Variants in RANBP1 observed in about 807,000 individuals in gnomAD.
RANBP1 encodes RAN binding protein 1.
RANBP1 carries 16 observed loss-of-function variants against 31.4 expected under a neutral mutation model. That is an observed-to-expected ratio of 0.51 (90% CI 0.34 to 0.77). The LOEUF (loss-of-function observed/expected upper bound fraction) is 0.77, where lower values mean the gene tolerates loss of function less well. Among genes scored for constraint, RANBP1 ranks in the 30% least tolerant of loss-of-function variants. The pLI is 0.01. For synonymous variants in RANBP1, 129 were observed against 140.5 expected (o/e 0.92, Z 0.58); for missense variants, 265 against 362.0 (o/e 0.73, Z 2.17).
In RANBP1 at chr22:20,116,414, G is replaced by C. The variant is rs769842332; in HGVS notation, c.230G>C (p.Ser77Thr). ...TGGCGAGGCACGTTCTGCAGCTCCAGTTTAAAGATCTCAGAGGTAAACAAG... is the reference window on the plus strand; with the variant it reads ...TGGCGAGGCACGTTCTGCAGCTCCACTTTAAAGATCTCAGAGGTAAACAAG... Reference protein sequence around the residue: ...LAWRGTFCSSSLKISEDTHED... With the variant: ...LAWRGTFCSSTLKISEDTHED... The change falls in exon 1 of 6, where the codon AGT (serine) becomes ACT (threonine). Residue 77 changes from serine to threonine, a missense_variant. By Grantham distance (58) the Ser-to-Thr change is moderately conservative. Transcript: ENST00000430524. 2 of 1,611,994 alleles carry C rather than the reference G, an allele frequency of 1.2e-6. No individual in the cohort carries two copies. Among genetic ancestry groups the C allele is most frequent in the Admixed American group, 3.3e-5 (2 of 60,016 alleles).
chr22:20,119,552 G>A (rs2050129988), intron 2 of RANBP1: 5 of 201,976 alleles, frequency 2.5e-5, no homozygotes. Context: ...TTTTGAGATG[G>A]AGTCTCGCTC....
chr22:20,118,163 T>C, intron 1 of RANBP1: 2 of 1,001,694 alleles, frequency 2.0e-6, no homozygotes, highest in Non-Finnish European at 2.4e-6. Context: ...GCGGCGGCTT[T>C]GTTGGCTGCG....
intron 2 of RANBP1, among the ~76,000 whole-genome samples, chr22:20,120,872 G>T (rs1378353813): frequency 6.6e-6 from 1 of 152,182 alleles, no homozygotes; most frequent in Non-Finnish European, 1.5e-5. Context: ...TTGGGCTGCT[G>T]TGCTTCCTGG....
chr22:20,126,629 T>C (rs777085032), intron 5 of RANBP1: 8 of 1,523,044 alleles, frequency 5.3e-6, no homozygotes, highest in Non-Finnish European at 7.1e-6. Flanking sequence ...GAAGGTGCTT[T>C]ATGATGGTCC....
chr22:20,116,459 A>T, intron 1 of RANBP1, 29 bp downstream of exon 1: 1 of 1,612,858 alleles, frequency 6.2e-7, no homozygotes, highest in Non-Finnish European at 8.5e-7. Flanking sequence ...ATGTAGCTGT[A>T]GAGCCCGGGC....
Position 20,127,024 on chromosome 22 carries a change from C to T in RANBP1, c.809C>T (p.Thr270Ile). 1 of 1,613,404 alleles carries T rather than the reference C, an allele frequency of 6.2e-7. No individual in the cohort carries two copies. The highest frequency in any genetic ancestry group is 1.1e-5 in the South Asian group (1 of 91,052). Residue 270 changes from threonine to isoleucine, a missense_variant, in exon 6 of 6, where the codon ACC (threonine) becomes ATC (isoleucine). By Grantham distance (89) the Thr-to-Ile change is moderately conservative. Transcript: ENST00000430524. ...GAAGCTCTCTCGGTGAAGGAGGAGA[C>T]CAAGGAGGATGCTGAGGAGAAGCAA... Reference protein sequence around the residue: ...KLEALSVKEETKEDAEEKQ With the variant: ...KLEALSVKEEIKEDAEEKQ
Position 20,125,296 on chromosome 22 carries a change from C to G in RANBP1, c.542-12C>G. Reference sequence around the variant, plus strand: ...GTCATCTCACCATCTTCACGAGCTTCTCTCTCTTCAGTCACGCCGATGATG... The same window carrying G: ...GTCATCTCACCATCTTCACGAGCTTGTCTCTCTTCAGTCACGCCGATGATG... On this transcript the variant is annotated splice_polypyrimidine_tract_variant and intron_variant, in intron 3 of 5. Transcript: ENST00000430524. The G allele has an allele frequency of 6.2e-7, 1 of 1,611,510 alleles. No homozygotes were observed. Among genetic ancestry groups the G allele is most frequent in the Non-Finnish European group, 8.5e-7 (1 of 1,179,820 alleles).
At chr22:20,117,596 C>A in intron 1 of RANBP1, 1 of 1,379,252 alleles carries the variant, frequency 7.3e-7, no homozygotes, top group Non-Finnish European at 9.4e-7. Context: ...CGCCGAGAGG[C>A]CGCGGAGCCA....
chr22:20,126,268 C>T (rs779594237), intron 4 of RANBP1, 35 bp from the exon 5 acceptor site: 1 of 1,600,312 alleles, frequency 6.2e-7, no homozygotes, highest in East Asian at 2.2e-5. Context: ...CCACTGCTCA[C>T]AGCTCTTAGG....
At chr22:20,120,886 TGTC>T (rs1388115302) in intron 2 of RANBP1, among the ~76,000 whole-genome samples, 3 of 152,204 alleles carry the variant, frequency 2.0e-5, no homozygotes, top group Admixed American at 2.0e-4. Context: ...TTCCTGGTGG[TGTC>T]GTGACAGAGG....
rs781307174 is a variant in RANBP1 at position 20,126,322 on chromosome 22, A to G, written c.690A>G (p.Thr230=). 1.2e-6 allele frequency: 2 copies of G among 1,613,574 alleles called. No homozygotes were observed. The highest frequency in any genetic ancestry group is 1.7e-6 in the Non-Finnish European group (2 of 1,179,764). Reference sequence around the variant, plus strand: ...CCACAGATGCACAGAAATTCAAAACAAAGTTTGAAGAATGCAGGAAAGAGA... The same window carrying G: ...CCACAGATGCACAGAAATTCAAAACGAAGTTTGAAGAATGCAGGAAAGAGA... ...LNAENAQKFK[T]KFEECRKEIE... is the part of the protein sequence containing the mutation. Residue 230 remains threonine (T), a synonymous_variant, in exon 5 of 6, where the codon ACA becomes ACG. Transcript: ENST00000430524.
chr22:20,126,431 C>G (rs1427779097), intron 5 of RANBP1, 63 bp downstream of exon 5: 1 of 1,612,318 alleles, frequency 6.2e-7, no homozygotes, highest in Admixed American at 1.7e-5. Context: ...GACTATACTT[C>G]CAGGCGGGTG....
At chr22:20,121,066 G>A (rs2050159501) in intron 2 of RANBP1, among the ~76,000 whole-genome samples, 1 of 152,118 alleles carries the variant, frequency 6.6e-6, no homozygotes, top group Non-Finnish European at 1.5e-5. Context: ...CAATTTTCCT[G>A]CCTCAGCTTC....
intron 1 of RANBP1, 163 bp downstream of exon 1, chr22:20,116,593 C>G (rs372566147): frequency 6.4e-7 from 1 of 1,552,052 alleles, no homozygotes; most frequent in African/African-American, 1.4e-5. Flanking sequence ...CTGGCCACAG[C>G]TCTCCATGGG....
chr22:20,119,498 G>A (rs1203874639), intron 2 of RANBP1: 4 of 250,788 alleles, frequency 1.6e-5, no homozygotes, highest in East Asian at 1.0e-4. Flanking sequence ...CTTTGGCATC[G>A]TGAAGCTTAT....
chr22:20,123,107 G>T (rs181216522), intron 3 of RANBP1, among the ~76,000 whole-genome samples: 8 of 132,664 alleles, frequency 6.0e-5, no homozygotes, highest in African/African-American at 1.5e-4. Context: ...GTGTCTGGGG[G>T]TGTGTGTAGT....
rs2050124464 is a variant in RANBP1, at chr22:20,119,295, T to C, written c.383+146T>C. 5.8e-5 allele frequency: 43 copies of C among 739,346 alleles called. 1 individual carries two copies. In the South Asian group the frequency reaches 7.9e-4, roughly 14 times the overall value. 45.8% of individuals were successfully genotyped at this position (739,346 alleles called of 1,614,324 possible). ...GTTGGTGACTAATCCCATGTGGAAATTTAACCCGTTCCTTTCATGAATCTT... is the reference window on the plus strand; with the variant it reads ...GTTGGTGACTAATCCCATGTGGAAACTTAACCCGTTCCTTTCATGAATCTT... On this transcript the variant is annotated intron_variant, in intron 2 of 5. Coordinates refer to ENST00000430524, the MANE Select transcript of RANBP1 (RefSeq NM_001278639.2).
At chr22:20,122,206 G>A (rs755006157) in intron 2 of RANBP1, 58 bp from the exon 3 acceptor site, 27 of 1,579,542 alleles carry the variant, frequency 1.7e-5, no homozygotes, top group East Asian at 2.3e-5. Context: ...GTCCTCCTGC[G>A]CAGGCCCTGC....
Position 20,127,021 on chromosome 22 carries a change from A to C in RANBP1, c.806A>C (p.Glu269Ala), listed in dbSNP as rs919494336. ...EKLEALSVKE[E>A]TKEDAEEKQ ...CTAGAAGCTCTCTCGGTGAAGGAGG[A>C]GACCAAGGAGGATGCTGAGGAGAAG... The change falls in exon 6 of 6, where the codon GAG becomes GCG. Residue 269 changes from glutamate to alanine, a missense_variant. By Grantham distance (107) the Glu-to-Ala change is moderately radical. This residue lies in a region of RANBP1 where 49 missense variants were observed against 47.9 expected (regional missense o/e 1.02). Coordinates refer to ENST00000430524, the MANE Select transcript of RANBP1 (RefSeq NM_001278639.2). 4 of 1,613,488 alleles carry C rather than the reference A, an allele frequency of 2.5e-6. No homozygotes were observed. The highest frequency in any genetic ancestry group is 3.4e-6 in the Non-Finnish European group (4 of 1,179,762).
Sources: allele counts gnomAD v4.1 joint callset (sites outside exome capture counted in the v4.1 genomes callset), GRCh38; gene constraint gnomAD v4.1.1; regional missense constraint gnomAD v4.1.1; transcripts MANE v1.5; gene names NCBI Gene and HGNC (gene_info 2026-07-23, HGNC 2026-07-21).